Variants in KLHL32 observed in about 807,000 individuals in gnomAD.
KLHL32 encodes the protein kelch like family member 32.
KLHL32 carries 35 observed loss-of-function variants against 64.8 expected under a neutral mutation model. The observed-to-expected ratio is 0.54, with a 90% CI of 0.41 to 0.72. KLHL32 has a LOEUF of 0.72. Among genes scored for constraint, KLHL32 ranks in the 30% least tolerant of loss-of-function variants. KLHL32 has a pLI of 0.00. For synonymous variants in KLHL32, 259 were observed against 281.0 expected, an observed-to-expected ratio of 0.92 and a Z score of 0.78; for missense variants, 589 against 768.5, an observed-to-expected ratio of 0.77 and a Z score of 2.76.
At chr6:97,074,966 A>G (rs1481086129) in intron 5 of KLHL32, among the ~76,000 whole-genome samples, 1 of 152,100 alleles carries the variant, frequency 6.6e-6, no homozygotes, top group Non-Finnish European at 1.5e-5. Flanking sequence ...AGCATTTTGC[A>G]GCACGTAGTG....
At chr6:97,125,319 CACTAATCCT>C (rs1489676770) in intron 7 of KLHL32, among the ~76,000 whole-genome samples, 21 of 152,168 alleles carry the variant, frequency 1.4e-4, no homozygotes, top group Non-Finnish European at 2.2e-4. Context: ...AAGGATTAGA[CACTAATCCT>C]CTGGATTCTT....
chr6:97,110,135 A>G (rs1483577469), intron 6 of KLHL32, among the ~76,000 whole-genome samples: 4 of 152,240 alleles, frequency 2.6e-5, no homozygotes, highest in Non-Finnish European at 5.9e-5. Context: ...CTTCTGGCAG[A>G]GACCTGGTGA....
At chr6:97,006,875 G>A (rs1779729586) in intron 3 of KLHL32, among the ~76,000 whole-genome samples, 1 of 152,116 alleles carries the variant, frequency 6.6e-6, no homozygotes, top group Non-Finnish European at 1.5e-5. Flanking sequence ...GCTTGATGGT[G>A]ATCTCTTTTT....
chr6:97,102,769 G>T (rs1795891697), intron 6 of KLHL32, among the ~76,000 whole-genome samples: 2 of 151,810 alleles, frequency 1.3e-5, no homozygotes, highest in African/African-American at 2.4e-5. Context: ...GTTTTTTATT[G>T]TCCTGTAGGA....
chr6:97,070,231 G>A (rs1790490591), intron 5 of KLHL32, among the ~76,000 whole-genome samples: 1 of 152,184 alleles, frequency 6.6e-6, no homozygotes, highest in Admixed American at 6.5e-5. Flanking sequence ...CATATTACAA[G>A]TGGTTTAATC....
intron 3 of KLHL32, among the ~76,000 whole-genome samples, chr6:96,998,753 T>C (rs1283650197): frequency 6.6e-6 from 1 of 152,232 alleles, no homozygotes; most frequent in East Asian, 1.9e-4. Flanking sequence ...TTCTTGCATA[T>C]TTGCACATGT....
chr6:97,022,227 A>G (rs1435204378), intron 3 of KLHL32, among the ~76,000 whole-genome samples: 1 of 150,826 alleles, frequency 6.6e-6, no homozygotes, highest in Admixed American at 6.6e-5. Context: ...TTAAGGGTAC[A>G]TGATTCTACA....
intron 1 of KLHL32, among the ~76,000 whole-genome samples, chr6:96,958,046 C>T (rs1773460766): frequency 6.6e-6 from 1 of 152,154 alleles, no homozygotes; most frequent in African/African-American, 2.4e-5. Context: ...AGATGTGGAT[C>T]CTGCCCATAT....
intron 3 of KLHL32, 126 bp from the exon 4 acceptor site, chr6:97,041,366 C>T (rs537238800): frequency 3.2e-6 from 2 of 628,590 alleles, no homozygotes; most frequent in East Asian, 2.7e-5. Flanking sequence ...TTTCTAGAAG[C>T]ATTTCAAAAA....
chr6:96,968,008 G>A (rs538836679), intron 2 of KLHL32, among the ~76,000 whole-genome samples: 1 of 152,314 alleles, frequency 6.6e-6, no homozygotes, highest in South Asian at 2.1e-4. Context: ...AAGAATAAGA[G>A]AGATGACAAA....
At chr6:97,076,852 T>C (rs1262517635) in intron 5 of KLHL32, among the ~76,000 whole-genome samples, 2 of 151,872 alleles carry the variant, frequency 1.3e-5, no homozygotes, top group African/African-American at 2.4e-5. Context: ...AATGTATTAA[T>C]ATTTAATAAA....
chr6:97,110,842 C>T (rs1437429224), intron 6 of KLHL32, among the ~76,000 whole-genome samples: 2 of 152,184 alleles, frequency 1.3e-5, no homozygotes, highest in Non-Finnish European at 2.9e-5. Context: ...AAGCCTGCTG[C>T]TGTTGGTGTG....
chr6:96,920,789 T>A (rs998464613), upstream of KLHL32, among the ~76,000 whole-genome samples: 9 of 152,156 alleles, frequency 5.9e-5, no homozygotes, highest in Admixed American at 1.3e-4. Context: ...TCTGTCCCTG[T>A]CTCTCTTCTC....
At chr6:96,920,958 A>G (rs1228298054), upstream of KLHL32, among the ~76,000 whole-genome samples, 4 of 152,224 alleles carry the variant, frequency 2.6e-5, no homozygotes, top group Admixed American at 6.5e-5. Context: ...AAAATAATGA[A>G]TGTAAATATT....
the KLHL32 span, among the ~76,000 whole-genome samples, chr6:96,918,257 C>G: frequency 6.6e-6 from 1 of 152,142 alleles, no homozygotes; most frequent in African/African-American, 2.4e-5. Flanking sequence ...GGTAAAATAC[C>G]TTTGAGAGAA....
At chr6:96,943,750 T>A (rs1346909567) in intron 1 of KLHL32, among the ~76,000 whole-genome samples, 1 of 152,236 alleles carries the variant, frequency 6.6e-6, no homozygotes, top group Non-Finnish European at 1.5e-5. Context: ...TCGAGCTTCC[T>A]GCTTTTTTCT....
At chr6:96,924,321 C>T (rs1670833287), upstream of KLHL32, among the ~76,000 whole-genome samples, 1 of 152,124 alleles carries the variant, frequency 6.6e-6, no homozygotes, top group South Asian at 2.1e-4. Flanking sequence ...AGGCTGGGTT[C>T]CCGGGTCTCA....
Position 97,140,241 on chromosome 6 carries a change from T to TAG in KLHL32, c.*959_*960insAG. The TAG allele has an allele frequency of 6.6e-6, 1 of 152,262 alleles. No homozygotes were observed. The highest frequency in any genetic ancestry group is 1.9e-4 in the East Asian group (1 of 5,188). 9.4% of individuals were successfully genotyped at this position (152,262 alleles called of 1,614,324 possible). Reference sequence around the variant, plus strand: ...AAACTTGCCTCAAGTAACTCTCAGATGTCTTATTTAAAATCATTTAGTGAA... The same window carrying TAG: ...AAACTTGCCTCAAGTAACTCTCAGATAGGTCTTATTTAAAATCATTTAGTGAA... On this transcript the variant is annotated 3_prime_UTR_variant, in exon 11 of 11. Coordinates refer to ENST00000369261, the MANE Select transcript of KLHL32 (RefSeq NM_052904.4).
At chr6:96,934,559 G>C (rs1203358969) in intron 1 of KLHL32, among the ~76,000 whole-genome samples, 11 of 152,244 alleles carry the variant, frequency 7.2e-5, no homozygotes, top group Admixed American at 6.5e-4. Flanking sequence ...CAGGTGCCCT[G>C]TCTGGGTAGA....
Sources: allele counts gnomAD v4.1 joint callset (sites outside exome capture counted in the v4.1 genomes callset), GRCh38; gene constraint gnomAD v4.1.1; transcripts MANE v1.5; gene names NCBI Gene and HGNC (gene_info 2026-07-23, HGNC 2026-07-21).